ARID2: variants seen among roughly 807,000 people sequenced by gnomAD.
ARID2 encodes AT-rich interaction domain 2.
A neutral mutation model predicts 184.6 loss-of-function variants in ARID2; 32 were observed. The observed-to-expected ratio is 0.17, with a 90% CI of 0.13 to 0.23. The LOEUF is 0.23. Ranked by LOEUF, ARID2 falls within the 10% of genes least tolerant of loss-of-function variation. The probability of loss-of-function intolerance (pLI) is 1.00; values close to 1 mark genes in which losing one functional copy is unlikely to be tolerated. For missense variants in ARID2, 1,696 were observed against 2,197.6 expected (o/e 0.77, Z 4.56); for synonymous variants, 836 against 772.6 (o/e 1.08, Z -1.36).
chr12:45,899,769 C>T (rs933311810), intron 20 of ARID2, among the ~76,000 whole-genome samples: 1 of 112,684 alleles, frequency 8.9e-6, no homozygotes, highest in African/African-American at 3.0e-5. Context: ...CCAAATAGTT[C>T]CCTACTTTAC....
chr12:45,860,982 A>G lies in ARID2; in HGVS notation c.4922+33A>G, dbSNP rs564857466. On this transcript the variant is annotated intron_variant, in intron 16 of 20. Transcript: ENST00000334344. The stretch of plus-strand genomic sequence containing the variant: ...GCAATTTTATTTGATATATAAAAGT[A>G]TTCTTTGTTTTGGAATGCTTTTATA... 86 of 1,463,108 alleles carry G rather than the reference A, an allele frequency of 5.9e-5. 1 individual carries two copies. In the East Asian group the frequency reaches 6.6e-4, roughly 11 times the overall value. 90.6% of individuals were successfully genotyped at this position (1,463,108 alleles called of 1,614,324 possible). A position where few individuals can be genotyped will look rare whatever the true frequency, so the allele number is the denominator to read the frequency against.
intron 6 of ARID2, among the ~76,000 whole-genome samples, chr12:45,823,026 C>T (rs1290370779): frequency 1.3e-5 from 2 of 152,168 alleles, no homozygotes; most frequent in Middle Eastern, 3.4e-3. Context: ...ACATTCTTCT[C>T]ATCAGCACAT....
intron 16 of ARID2, among the ~76,000 whole-genome samples, chr12:45,866,710 C>G (rs776431889): frequency 6.1e-4 from 93 of 152,062 alleles, no homozygotes; most frequent in African/African-American, 1.8e-3. Flanking sequence ...ATTTTGAGAG[C>G]AATTTTAGGT....
In ARID2 at chr12:45,907,869, T is replaced by C. The variant is rs1163987017; in HGVS notation, c.*2791T>C. On this transcript the variant is annotated 3_prime_UTR_variant, in exon 21 of 21. Coordinates refer to ENST00000334344, the MANE Select transcript of ARID2 (RefSeq NM_152641.4). ...AAATTTTAAGTAACAAAATTGATAATCATATAGCGAAGGCATATTTTTCTT... is the reference window on the plus strand; with the variant it reads ...AAATTTTAAGTAACAAAATTGATAACCATATAGCGAAGGCATATTTTTCTT... The C allele has an allele frequency of 1.7e-5, 4 of 231,830 alleles. No homozygotes were observed. The highest frequency in any genetic ancestry group is 3.4e-5 in the Non-Finnish European group (4 of 117,106). The allele number at this position is 231,830 out of a possible 1,614,324, so 14.4% of individuals were successfully genotyped here. A position where few individuals can be genotyped will look rare whatever the true frequency, so the allele number is the denominator to read the frequency against.
Position 45,860,880 on chromosome 12 carries a change from C to G in ARID2, c.4853C>G (p.Ser1618Cys), listed in dbSNP as rs144553917. The change falls in exon 16 of 21, where the codon TCC (serine) becomes TGC (cysteine). Residue 1618 changes from serine (S) to cysteine (C), a missense_variant. Ser to Cys is a moderately radical substitution (Grantham distance 112). Coordinates refer to ENST00000334344, the MANE Select transcript of ARID2 (RefSeq NM_152641.4). The part of the protein sequence containing the change: ...NSSQPSPFSG[S>C]SQPGDPMRKP... ...TCTCAGCCTTCTCCATTCAGTGGAT[C>G]CAGTCAGCCTGGAGATCCAATGAGA... The G allele has an allele frequency of 6.2e-7, 1 of 1,605,490 alleles. No individual in the cohort carries two copies. The highest frequency in any genetic ancestry group is 8.5e-7 in the Non-Finnish European group (1 of 1,175,826).
At chr12:45,773,682 T>G (rs1941920725) in intron 3 of ARID2, among the ~76,000 whole-genome samples, 1 of 151,756 alleles carries the variant, frequency 6.6e-6, no homozygotes, top group Admixed American at 6.6e-5. Flanking sequence ...CAAAATTGAC[T>G]TAAAAAAAAA....
chr12:45,900,146 T>G (rs550214045), intron 20 of ARID2, among the ~76,000 whole-genome samples: 3 of 152,216 alleles, frequency 2.0e-5, no homozygotes, highest in South Asian at 2.1e-4. Context: ...TTTCAACCTT[T>G]GCCTCCCAGG....
intron 6 of ARID2, among the ~76,000 whole-genome samples, chr12:45,826,288 A>T (rs1942999204): frequency 6.6e-6 from 1 of 152,152 alleles, no homozygotes; most frequent in Non-Finnish European, 1.5e-5. Flanking sequence ...GGAACCTATA[A>T]TGTCTCTTCA....
At position 45,907,884 on chromosome 12, in the gene ARID2, A is replaced by T; in HGVS notation, c.*2806A>T. 2 of 231,982 alleles carry T rather than the reference A, an allele frequency of 8.6e-6. No homozygotes were observed. Among genetic ancestry groups the T allele is most frequent in the Non-Finnish European group, 1.7e-5 (2 of 117,158 alleles). The allele number at this position is 231,982 out of a possible 1,614,324, so 14.4% of individuals were successfully genotyped here. ...AAATTGATAATCATATAGCGAAGGC[A>T]TATTTTTCTTCCAAGCTCAAGTCAG... On this transcript the variant is annotated 3_prime_UTR_variant, in exon 21 of 21. Transcript: ENST00000334344.
chr12:45,883,738 T>C (rs1198857958), intron 16 of ARID2, among the ~76,000 whole-genome samples: 2 of 151,886 alleles, frequency 1.3e-5, no homozygotes, highest in Non-Finnish European at 2.9e-5. Flanking sequence ...GTTACTTAGC[T>C]GTATAACTCT....
intron 3 of ARID2, among the ~76,000 whole-genome samples, chr12:45,765,197 G>T (rs1941748959): frequency 6.6e-6 from 1 of 151,726 alleles, no homozygotes; most frequent in African/African-American, 2.4e-5. Context: ...TCTTTATTGG[G>T]TTGTTTTCTT....
chr12:45,789,040 T>C (rs1942245421), intron 3 of ARID2: 1 of 115,886 alleles, frequency 8.6e-6, no homozygotes, highest in African/African-American at 2.9e-5. Flanking sequence ...TATTAACTAA[T>C]CTGACAAACA....
intron 3 of ARID2, among the ~76,000 whole-genome samples, chr12:45,749,239 T>G (rs1397323612): frequency 6.6e-6 from 1 of 152,248 alleles, no homozygotes; most frequent in Non-Finnish European, 1.5e-5. Flanking sequence ...AACATTCATC[T>G]CCTTGTACAT....
At chr12:45,779,112 G>A (rs1379977643) in intron 3 of ARID2, among the ~76,000 whole-genome samples, 1 of 151,614 alleles carries the variant, frequency 6.6e-6, no homozygotes, top group Admixed American at 6.6e-5. Flanking sequence ...TTGCTTTAAT[G>A]TTATAAATTT....
chr12:45,850,897 G>A lies in ARID2; in HGVS notation c.2774G>A (p.Ser925Asn), dbSNP rs2138165971. ...CAACCACAGCAGCCAACCCAACAAA[G>A]CGTAGTGATTGTAAGCCAGCCAGCT... ...IQQPQQPTQQSVVIVSQPAQQ... is the reference protein window; with the variant it reads ...IQQPQQPTQQNVVIVSQPAQQ... Residue 925 changes from serine to asparagine, a missense_variant, in exon 15 of 21, where the codon AGC becomes AAC. By Grantham distance (46) the Ser-to-Asn change is conservative. This residue lies in a region of ARID2 where 713 missense variants were observed against 824.4 expected (regional missense o/e 0.86). Transcript: ENST00000334344. 2 of 1,614,070 alleles carry A rather than the reference G, an allele frequency of 1.2e-6. No homozygotes were observed. Among genetic ancestry groups the A allele is most frequent in the Non-Finnish European group, 1.7e-6 (2 of 1,180,014 alleles).
At chr12:45,861,384 T>C (rs1259893218) in intron 16 of ARID2, among the ~76,000 whole-genome samples, 1 of 152,154 alleles carries the variant, frequency 6.6e-6, no homozygotes, top group Non-Finnish European at 1.5e-5. Context: ...GATGGATACC[T>C]ATGAAAATTA....
At chr12:45,860,012 A>G (rs1416996634) in intron 15 of ARID2, among the ~76,000 whole-genome samples, 1 of 152,130 alleles carries the variant, frequency 6.6e-6, no homozygotes. Context: ...GATTACAGGC[A>G]TGAACCACCG....
intron 3 of ARID2, among the ~76,000 whole-genome samples, chr12:45,792,585 T>G (rs1942312149): frequency 6.6e-6 from 1 of 152,178 alleles, no homozygotes; most frequent in East Asian, 1.9e-4. Flanking sequence ...TGTGTTTTCT[T>G]GGTTTGTTTC....
rs1273536227 is a variant in ARID2, at chr12:45,850,786, C to G, written c.2663C>G (p.Ala888Gly). Reference sequence around the variant, plus strand: ...ATTGCTGGTGTCCCAAGTCCACAAGCCTCAAGGGTAGGGTTTCAGAACATT... The same window carrying G: ...ATTGCTGGTGTCCCAAGTCCACAAGGCTCAAGGGTAGGGTTTCAGAACATT... ...VTIAGVPSPQ[A>G]SRVGFQNIAP... The change falls in exon 15 of 21, where the codon GCC (alanine) becomes GGC (glycine). Residue 888 changes from alanine (A) to glycine (G), a missense_variant. This residue lies in a region of ARID2 where 713 missense variants were observed against 824.4 expected (regional missense o/e 0.86). Transcript: ENST00000334344. 6.2e-7 allele frequency: 1 copy of G among 1,614,120 alleles called. No homozygotes were observed. The highest frequency in any genetic ancestry group is 1.7e-5 in the Admixed American group (1 of 60,016).
Sources: gnomAD v4.1 joint callset for allele counts (sites outside exome capture counted in the v4.1 genomes callset) on GRCh38, gnomAD v4.1.1 for gene constraint, gnomAD v4.1.1 regional missense constraint, MANE v1.5 for transcripts, NCBI Gene and HGNC (gene_info 2026-07-23, HGNC 2026-07-21) for gene names.